The following RASA3 variants were observed in gnomAD, a reference collection of about 807,000 sequenced individuals.
RASA3 encodes the protein ras GTPase-activating protein 3.
A neutral mutation model predicts 110.0 loss-of-function variants in RASA3; 73 were observed. The observed-to-expected ratio is 0.66, with a 90% confidence interval of 0.55 to 0.81. The LOEUF is 0.81. RASA3 is among the 30% of genes least tolerant of loss of function. The pLI is 0.00. For synonymous variants in RASA3, 500 were observed against 451.4 expected, an observed-to-expected ratio of 1.11 and a Z score of -1.37; for missense variants, 976 against 1,113.2, an observed-to-expected ratio of 0.88 and a Z score of 1.75.
Position 114,000,772 on chromosome 13 carries a change from C to A in RASA3, c.1849+54G>T, listed in dbSNP as rs141576190. ...CTCCCCCTGAAAAAGCAGACTCAGT[C>A]CCAGGGCCCAGCACGCTCCAGCAAG... On this transcript the variant is annotated intron_variant, in intron 19 of 23. Coordinates refer to ENST00000334062, the MANE Select transcript of RASA3 (RefSeq NM_007368.4). The A allele has an allele frequency of 6.5e-3, 8,600 of 1,328,934 alleles. 55 individuals are homozygous for A. Among genetic ancestry groups the A allele is most frequent in the Middle Eastern group, 0.018 (97 of 5,504 alleles). 82.3% of individuals were successfully genotyped at this position (1,328,934 alleles called of 1,614,324 possible).
In RASA3 at chr13:114,115,197, G is replaced by A. The variant is rs1350326749; in HGVS notation, c.55+17238C>T. On this transcript the variant is annotated intron_variant, in intron 1 of 23. Transcript: ENST00000334062. The surrounding 1 kb of genome is among the most constrained non-coding windows in gnomAD (Gnocchi z 5.0). ...GGGGGGCTTTGTGTGTGGTGTCATCGGCAGCTTCCATTATGTCCAGCGGTA... is the reference window on the plus strand; with the variant it reads ...GGGGGGCTTTGTGTGTGGTGTCATCAGCAGCTTCCATTATGTCCAGCGGTA... Among the ~76,000 whole-genome samples, 2 of 152,196 alleles carry A rather than the reference G, an allele frequency of 1.3e-5. No homozygotes were observed. Among genetic ancestry groups the A allele is most frequent in the East Asian group, 1.9e-4 (1 of 5,188 alleles).
In RASA3 at chr13:114,081,028, C is replaced by T. The variant is rs1417512060; in HGVS notation, c.56-7191G>A. On this transcript the variant is annotated intron_variant, in intron 1 of 23. Coordinates refer to ENST00000334062, the MANE Select transcript of RASA3 (RefSeq NM_007368.4). The stretch of plus-strand genomic sequence containing the variant: ...CACCTAGAACACCAAGAGTGCCCCA[C>T]GGCAGAGGGCCGTCCACCTAGAACA... 8.6e-5 allele frequency among the ~76,000 whole-genome samples: 12 copies of T among 139,696 alleles called. No individual in the cohort carries two copies. In the South Asian group the frequency reaches 1.1e-3, roughly 12 times the overall value. The allele number at this position is 139,696 out of a possible 152,430, so 91.6% of individuals were successfully genotyped here. A position where few individuals can be genotyped will look rare whatever the true frequency, so the allele number is the denominator to read the frequency against.
chr13:114,071,975 A>G (rs1409315089), intron 2 of RASA3, among the ~76,000 whole-genome samples: 4 of 152,214 alleles, frequency 2.6e-5, no homozygotes, highest in African/African-American at 9.7e-5. Flanking sequence ...ATGCTTCTGA[A>G]CTGAACGGTG....
chr13:114,092,581 C>A (rs773568674), intron 1 of RASA3, among the ~76,000 whole-genome samples: 1 of 152,068 alleles, frequency 6.6e-6, no homozygotes, highest in African/African-American at 2.4e-5. Context: ...GTGAGCTAAC[C>A]TATAGTCTAT....
intron 1 of RASA3, among the ~76,000 whole-genome samples, chr13:114,078,252 A>G (rs1444360699): frequency 6.6e-6 from 1 of 152,070 alleles, no homozygotes; most frequent in African/African-American, 2.4e-5. Flanking sequence ...TCTCCACCGC[A>G]CCCCAAACAG....
chr13:114,013,830 G>A lies in RASA3; in HGVS notation c.1406-582C>T, dbSNP rs180822696. 2.7e-4 allele frequency among the ~76,000 whole-genome samples: 27 copies of A among 101,522 alleles called. 1 individual carries two copies. In the East Asian group the frequency reaches 7.5e-3, roughly 28 times the overall value. The allele number at this position is 101,522 out of a possible 152,430, so 66.6% of individuals were successfully genotyped here. A position where few individuals can be genotyped will look rare whatever the true frequency, so the allele number is the denominator to read the frequency against. Reference sequence around the variant, plus strand: ...TCTCTCTCCCCGTCTCTTTCTCTCCGTCTGTCTCTCTCTCCATCTCTCTGT... The same window carrying A: ...TCTCTCTCCCCGTCTCTTTCTCTCCATCTGTCTCTCTCTCCATCTCTCTGT... On this transcript the variant is annotated intron_variant, in intron 14 of 23. Coordinates refer to ENST00000334062, the MANE Select transcript of RASA3 (RefSeq NM_007368.4).
Position 114,041,089 on chromosome 13 carries a change from C to T in RASA3, c.283G>A (p.Val95Met). The T allele has an allele frequency of 5.0e-6, 8 of 1,613,726 alleles. No homozygotes were observed. The highest frequency in any genetic ancestry group is 6.8e-6 in the Non-Finnish European group (8 of 1,179,970). Reference protein sequence around the residue: ...VFRRDSIIGKVAIQKEDLQKY... With the variant: ...VFRRDSIIGKMAIQKEDLQKY... ...TGCAAGTCCTCCTTCTGGATGGCCA[C>T]CTTCCCTGCAACACAAGCAGAGAAG... The change falls in exon 4 of 24, where the codon GTG becomes ATG. Residue 95 changes from valine to methionine, a missense_variant. Transcript: ENST00000334062.
intron 2 of RASA3, among the ~76,000 whole-genome samples, chr13:114,072,655 G>A (rs1051963147): frequency 2.0e-5 from 3 of 152,136 alleles, no homozygotes; most frequent in African/African-American, 4.8e-5. Flanking sequence ...CCTGGACAGC[G>A]GGAGCATTTA....
chr13:114,024,035 G>A (rs2053981145), intron 8 of RASA3, among the ~76,000 whole-genome samples: 1 of 152,232 alleles, frequency 6.6e-6, no homozygotes, highest in Non-Finnish European at 1.5e-5. Flanking sequence ...GGTGGATGAA[G>A]CCTTACGGCC....
chr13:114,063,433 T>A (rs1466760737), intron 2 of RASA3, among the ~76,000 whole-genome samples: 1 of 151,016 alleles, frequency 6.6e-6, no homozygotes, highest in African/African-American at 2.4e-5. Context: ...AATACAAATA[T>A]ATTAACAATA....
chr13:114,120,486 G>A (rs113804465), intron 1 of RASA3, among the ~76,000 whole-genome samples: 77 of 19,452 alleles, frequency 4.0e-3, no homozygotes, highest in African/African-American at 0.011. Context: ...CTCCAGCCAG[G>A]CGTCGATCAG....
chr13:114,010,917 T>G (rs2053624636), intron 16 of RASA3, among the ~76,000 whole-genome samples: 1 of 151,854 alleles, frequency 6.6e-6, no homozygotes. Context: ...ACAGGTCAGA[T>G]GCTGCTCCTG....
chr13:114,105,954 C>A (rs1225958882), intron 1 of RASA3, among the ~76,000 whole-genome samples: 1 of 152,184 alleles, frequency 6.6e-6, no homozygotes, highest in African/African-American at 2.4e-5. Flanking sequence ...GAGCGTCTTG[C>A]ACCCGCCCTG....
chr13:114,001,628 G>A (rs1329021206), intron 18 of RASA3, among the ~76,000 whole-genome samples: 1 of 151,344 alleles, frequency 6.6e-6, no homozygotes, highest in African/African-American at 2.4e-5. Context: ...AGGGCGGGCA[G>A]TGGATGCCCA....
chr13:114,024,297 A>T lies in RASA3; in HGVS notation c.662T>A (p.Val221Glu). ...TTCTCACCTGATTTCGAGCTTGTCC[A>T]CGTCTTCCTCCTCAAAGTCAAAGTG... ...KSHFDFEEED[V>E]DKLEIRVDLW... is the part of the protein sequence containing the mutation. The change falls in exon 8 of 24, where the codon GTG becomes GAG. Residue 221 changes from valine to glutamate, a missense_variant. Transcript: ENST00000334062. 1.2e-6 allele frequency: 2 copies of T among 1,614,056 alleles called. No homozygotes were observed. Among genetic ancestry groups the T allele is most frequent in the Non-Finnish European group, 1.7e-6 (2 of 1,179,972 alleles).
At chr13:114,079,291 G>T (rs1284405334) in intron 1 of RASA3, among the ~76,000 whole-genome samples, 1 of 152,208 alleles carries the variant, frequency 6.6e-6, no homozygotes, top group Admixed American at 6.5e-5. Context: ...CTGAAATAAC[G>T]TGGAACAGGT....
chr13:114,019,112 G>A (rs1490816016), intron 9 of RASA3, among the ~76,000 whole-genome samples, 193 bp from the exon 10 acceptor site: 1 of 152,118 alleles, frequency 6.6e-6, no homozygotes, highest in Non-Finnish European at 1.5e-5. Context: ...TCCCCAGGAG[G>A]CAAGTGTTGG....
At chr13:114,051,950 G>A (rs2079153131) in intron 3 of RASA3, 102 bp downstream of exon 3, 2 of 877,372 alleles carry the variant, frequency 2.3e-6, no homozygotes, top group Admixed American at 2.2e-5. Flanking sequence ...GCCCTGCAGC[G>A]ACCCCTCAGC....
At chr13:114,101,130 AG>A (rs1302778478) in intron 1 of RASA3, among the ~76,000 whole-genome samples, 1 of 152,146 alleles carries the variant, frequency 6.6e-6, no homozygotes, top group Non-Finnish European at 1.5e-5. Context: ...CGGGTTCTGC[AG>A]GCCTGTGTCC....
Sources: gnomAD v4.1 joint callset for allele counts (sites outside exome capture counted in the v4.1 genomes callset) on GRCh38, gnomAD v4.1.1 for gene constraint, Gnocchi (gnomAD v3.1) non-coding constraint, MANE v1.5 for transcripts, NCBI Gene and HGNC (gene_info 2026-07-23, HGNC 2026-07-21) for gene names.